The following PHLPP1 variants were observed in gnomAD, a reference collection of about 807,000 sequenced individuals.
PHLPP1 encodes the protein PH domain leucine-rich repeat-containing protein phosphatase 1.
Under a neutral mutation model 117.2 loss-of-function variants are expected in PHLPP1, and 42 were observed. The ratio of observed to expected loss-of-function variants is 0.36; its 90% confidence interval spans 0.28 to 0.46. The LOEUF is 0.46. Among genes scored for constraint, PHLPP1 ranks in the 20% least tolerant of loss-of-function variants. PHLPP1 has a pLI of 1.00. For synonymous variants in PHLPP1, 1,042 were observed against 970.7 expected (o/e 1.07, Z -1.37); for missense variants, 2,084 against 2,241.9 (o/e 0.93, Z 1.42).
chr18:62,798,334 A>T (rs1223840064), intron 1 of PHLPP1, among the ~76,000 whole-genome samples: 1 of 152,184 alleles, frequency 6.6e-6, no homozygotes, highest in South Asian at 2.1e-4. Flanking sequence ...GGTGTGCATG[A>T]TTCCACTCAT....
chr18:62,968,163 C>A (rs1032884027), intron 14 of PHLPP1, among the ~76,000 whole-genome samples: 1 of 152,128 alleles, frequency 6.6e-6, no homozygotes, highest in African/African-American at 2.4e-5. Flanking sequence ...ATTAGATTTG[C>A]TGTTAATTTG....
intron 3 of PHLPP1, among the ~76,000 whole-genome samples, chr18:62,852,904 C>T (rs919430337): frequency 6.6e-6 from 1 of 152,106 alleles, no homozygotes; most frequent in Non-Finnish European, 1.5e-5. Flanking sequence ...TGTCCTCTTG[C>T]AAGGGAAGAT....
intron 12 of PHLPP1, among the ~76,000 whole-genome samples, chr18:62,955,034 A>C (rs144891889): frequency 5.1e-4 from 78 of 152,364 alleles, no homozygotes; most frequent in African/African-American, 1.8e-3. Context: ...ATAAGTAAGC[A>C]GATAATTATA....
intron 1 of PHLPP1, among the ~76,000 whole-genome samples, chr18:62,769,555 C>T (rs1028968185): frequency 7.9e-5 from 12 of 152,110 alleles, no homozygotes; most frequent in African/African-American, 2.7e-4. Context: ...CACCAAGATG[C>T]TCTGTCTTTC....
Position 62,975,471 on chromosome 18 carries a change from CAGG to C in PHLPP1, c.3835_3837del (p.Gly1279del). On this transcript the variant is annotated inframe_deletion, in exon 16 of 17. Transcript: ENST00000262719. ...CATATCAAGCATGACCCTGTGGATC[CAGG>C]AGGATCCTTCACCTTGACCTCTGCT... is the stretch of plus-strand genomic sequence containing the variant. 11 of 1,613,898 alleles carry C rather than the reference CAGG, an allele frequency of 6.8e-6. No individual in the cohort carries two copies. The highest frequency in any genetic ancestry group is 1.7e-4 in the Middle Eastern group (1 of 6,056).
At chr18:62,755,575 C>T (rs1911990966) in intron 1 of PHLPP1, among the ~76,000 whole-genome samples, 1 of 152,088 alleles carries the variant, frequency 6.6e-6, no homozygotes, top group South Asian at 2.1e-4. Flanking sequence ...ATTCTTCTTC[C>T]ACCCTGTGAG....
At chr18:62,965,452 CTTTTT>C (rs34187461) in intron 14 of PHLPP1, among the ~76,000 whole-genome samples, 5 of 76,142 alleles carry the variant, frequency 6.6e-5, no homozygotes, top group African/African-American at 2.2e-4. Flanking sequence ...TAATCAGCCT[CTTTTT>C]TTTTTTTTTT....
At chr18:62,787,164 T>G (rs1422905127) in intron 1 of PHLPP1, among the ~76,000 whole-genome samples, 4 of 152,128 alleles carry the variant, frequency 2.6e-5, no homozygotes, top group Non-Finnish European at 1.5e-5. Flanking sequence ...TTTTTCTCTC[T>G]TTTCTTTTTA....
chr18:62,772,827 T>C (rs1363343506), intron 1 of PHLPP1, among the ~76,000 whole-genome samples: 2 of 102,378 alleles, frequency 2.0e-5, no homozygotes, highest in East Asian at 2.0e-4. Flanking sequence ...CAAGACTCTT[T>C]CTCAAAAAAA....
intron 1 of PHLPP1, among the ~76,000 whole-genome samples, chr18:62,726,565 T>TTTCTG (rs1283524338): frequency 2.1e-4 from 32 of 150,736 alleles, no homozygotes; most frequent in Non-Finnish European, 3.1e-4. Context: ...TTTCTTTCCT[T>TTTCTG]TTCTGTTCTG....
chr18:62,828,884 G>A (rs1411218967), intron 1 of PHLPP1, among the ~76,000 whole-genome samples: 2 of 152,092 alleles, frequency 1.3e-5, no homozygotes, highest in African/African-American at 4.8e-5. Context: ...ACTTATCTCT[G>A]GGCAGAGGCT....
intron 1 of PHLPP1, among the ~76,000 whole-genome samples, chr18:62,760,276 GATAC>G (rs34716836): frequency 0.067 from 10,189 of 152,176 alleles, 383 homozygotes; most frequent in Middle Eastern, 0.088. Context: ...CTCCGTAGAT[GATAC>G]ATACACATGG....
intron 15 of PHLPP1, among the ~76,000 whole-genome samples, chr18:62,973,742 A>C (rs1208739428): frequency 6.6e-6 from 1 of 152,230 alleles, no homozygotes; most frequent in African/African-American, 2.4e-5. Flanking sequence ...GCAACTGAAC[A>C]ATAATGGCTA....
intron 1 of PHLPP1, among the ~76,000 whole-genome samples, chr18:62,717,748 G>GT (rs920311016): frequency 6.6e-6 from 1 of 152,076 alleles, no homozygotes; most frequent in African/African-American, 2.4e-5. Context: ...TTGTCAACTG[G>GT]TGCCTTTGTT....
At chr18:62,793,205 A>G (rs1297996232) in intron 1 of PHLPP1, among the ~76,000 whole-genome samples, 1 of 152,178 alleles carries the variant, frequency 6.6e-6, no homozygotes, top group Non-Finnish European at 1.5e-5. Context: ...AAACCTGTAT[A>G]AAGCTTATCG....
rs79681271 is a variant in PHLPP1 at position 62,770,711 on chromosome 18, C to T, written c.1576+53452C>T. Among the ~76,000 whole-genome samples, 357 of 149,074 alleles carry T rather than the reference C, an allele frequency of 2.4e-3. 1 individual carries two copies. The highest frequency in any genetic ancestry group is 8.3e-3 in the African/African-American group (334 of 40,258). On this transcript the variant is annotated intron_variant, in intron 1 of 16. Coordinates refer to ENST00000262719, the MANE Select transcript of PHLPP1 (RefSeq NM_194449.4). The stretch of plus-strand genomic sequence containing the variant: ...ATTCCATTTCCAAAATGTTTGGAAC[C>T]GGAAGTGTTTTGGATTTTGGAATTT...
At chr18:62,855,164 C>A (rs1035430427) in intron 3 of PHLPP1, among the ~76,000 whole-genome samples, 1 of 152,188 alleles carries the variant, frequency 6.6e-6, no homozygotes, top group Non-Finnish European at 1.5e-5. Flanking sequence ...AAAGAAGGCA[C>A]TACTTAAATG....
intron 4 of PHLPP1, among the ~76,000 whole-genome samples, chr18:62,882,689 C>T (rs966410885): frequency 1.5e-4 from 23 of 152,238 alleles, no homozygotes; most frequent in Admixed American, 1.2e-3. Flanking sequence ...CTTTAATGGT[C>T]TCAAAACCAC....
intron 10 of PHLPP1, among the ~76,000 whole-genome samples, chr18:62,929,572 G>A (rs990742497): frequency 1.3e-5 from 2 of 152,066 alleles, no homozygotes; most frequent in Admixed American, 6.6e-5. Context: ...GAGCATTTTG[G>A]TATATATAAA....
Sources: gnomAD v4.1 joint callset for allele counts (sites outside exome capture counted in the v4.1 genomes callset) on GRCh38, gnomAD v4.1.1 for gene constraint, MANE v1.5 for transcripts, NCBI Gene and HGNC (gene_info 2026-07-23, HGNC 2026-07-21) for gene names.